WDR7: variants seen among roughly 807,000 people sequenced by gnomAD.
The protein encoded by WDR7 is WD repeat-containing protein 7.
A neutral mutation model predicts 169.4 loss-of-function variants in WDR7; 46 were observed. That is an observed-to-expected ratio of 0.27 (90% confidence interval 0.21 to 0.35). The LOEUF is 0.35. Among genes scored for constraint, WDR7 ranks in the 10% least tolerant of loss-of-function variants. The pLI, the probability that WDR7 is intolerant of heterozygous loss-of-function variation, is 1.00. For synonymous variants in WDR7, 612 were observed against 666.8 expected (o/e 0.92, Z 1.27); for missense variants, 1,534 against 1,859.3 (o/e 0.83, Z 3.22).
At chr18:56,654,617 T>A (rs1386020389) in intron 1 of WDR7, among the ~76,000 whole-genome samples, 1 of 152,228 alleles carries the variant, frequency 6.6e-6, no homozygotes, top group Non-Finnish European at 1.5e-5. Flanking sequence ...TAATCTGTCA[T>A]TTGTCTGTAA....
chr18:56,656,361 C>A (rs529041883), intron 1 of WDR7, among the ~76,000 whole-genome samples: 39 of 149,914 alleles, frequency 2.6e-4, no homozygotes, highest in Non-Finnish European at 4.6e-4. Flanking sequence ...CTCAGTGCAA[C>A]CTCCGCCTCC....
At chr18:56,805,353 G>C (rs2044755200) in intron 19 of WDR7, among the ~76,000 whole-genome samples, 1 of 152,026 alleles carries the variant, frequency 6.6e-6, no homozygotes, top group African/African-American at 2.4e-5. Context: ...CCCAGAATCG[G>C]GCTTTCAGGA....
Position 56,717,880 on chromosome 18 carries a change from A to T in WDR7, c.1579-84A>T. 3 of 1,338,728 alleles carry T rather than the reference A, an allele frequency of 2.2e-6. No individual in the cohort carries two copies. In the Middle Eastern group the frequency reaches 6.0e-4, roughly 267 times the overall value. The allele number at this position is 1,338,728 out of a possible 1,614,324, so 82.9% of individuals were successfully genotyped here. ...TTTCAGTGGCAGCAAATGTATAATTAATTTTGCCTTAAGTTATTGAAAACA... is the reference window on the plus strand; with the variant it reads ...TTTCAGTGGCAGCAAATGTATAATTTATTTTGCCTTAAGTTATTGAAAACA... On this transcript the variant is annotated intron_variant, in intron 12 of 27. Transcript: ENST00000254442.
At chr18:56,880,923 A>G (rs891259723) in intron 21 of WDR7, among the ~76,000 whole-genome samples, 4 of 152,166 alleles carry the variant, frequency 2.6e-5, no homozygotes, top group African/African-American at 9.7e-5. Flanking sequence ...CATATAGCAA[A>G]ATTATTTCTA....
chr18:56,681,429 T>C, intron 4 of WDR7, 38 bp downstream of exon 4: 1 of 1,248,122 alleles, frequency 8.0e-7, no homozygotes. Flanking sequence ...TACAAACTAT[T>C]ATAAGTATAT....
chr18:56,679,491 C>A, intron 3 of WDR7, 53 bp downstream of exon 3: 1 of 1,343,216 alleles, frequency 7.4e-7, no homozygotes, highest in Non-Finnish European at 1.0e-6. Flanking sequence ...TAACTAGCAC[C>A]AATGCCTTGT....
At chr18:57,011,782 A>G (rs184608314) in intron 26 of WDR7, among the ~76,000 whole-genome samples, 2 of 151,448 alleles carry the variant, frequency 1.3e-5, no homozygotes, top group Admixed American at 6.6e-5. Flanking sequence ...AGTACACCCA[A>G]TAAGAAAAGC....
intron 26 of WDR7, among the ~76,000 whole-genome samples, chr18:56,976,674 T>G (rs183275862): frequency 2.0e-5 from 3 of 152,310 alleles, no homozygotes; most frequent in East Asian, 3.9e-4. Flanking sequence ...GATACCATCC[T>G]GAGGCAGAAA....
intron 12 of WDR7, among the ~76,000 whole-genome samples, chr18:56,709,921 G>A (rs574590828): frequency 6.6e-6 from 1 of 150,574 alleles, no homozygotes; most frequent in African/African-American, 2.4e-5. Context: ...TAACATTTTT[G>A]AAAGTAGAGA....
At chr18:56,945,267 G>A (rs534118751) in intron 25 of WDR7, among the ~76,000 whole-genome samples, 27 of 152,270 alleles carry the variant, frequency 1.8e-4, no homozygotes, top group African/African-American at 6.5e-4. Flanking sequence ...AAACTTTTTA[G>A]GGGCCAACGT....
chr18:56,654,409 C>T (rs1446335351), intron 1 of WDR7, among the ~76,000 whole-genome samples: 2 of 152,220 alleles, frequency 1.3e-5, no homozygotes, highest in Non-Finnish European at 2.9e-5. Context: ...GGATTACAGG[C>T]ATGAGCCAGC....
chr18:56,776,756 T>G (rs1192704299), intron 16 of WDR7, 26 bp from the exon 17 acceptor site: 2 of 1,603,242 alleles, frequency 1.2e-6, no homozygotes, highest in Admixed American at 3.3e-5. Context: ...TCTCTCCTCT[T>G]TACTTCTTCT....
intron 19 of WDR7, among the ~76,000 whole-genome samples, chr18:56,803,282 T>C (rs562103676): frequency 1.3e-5 from 2 of 152,328 alleles, no homozygotes; most frequent in African/African-American, 2.4e-5. Context: ...CAATTAAATG[T>C]GTCATCTGCT....
At chr18:56,997,861 G>GT (rs1172933563) in intron 26 of WDR7, among the ~76,000 whole-genome samples, 1 of 152,122 alleles carries the variant, frequency 6.6e-6, no homozygotes, top group Admixed American at 6.6e-5. Context: ...CTCCTTTGCA[G>GT]TTTTTTAAAT....
At chr18:56,836,315 A>G (rs1040569811) in intron 20 of WDR7, among the ~76,000 whole-genome samples, 3 of 152,296 alleles carry the variant, frequency 2.0e-5, no homozygotes, top group Admixed American at 2.0e-4. Flanking sequence ...ACTCCCAAGC[A>G]ACCAGCCCCT....
intron 21 of WDR7, among the ~76,000 whole-genome samples, chr18:56,886,327 C>T (rs1453952467): frequency 6.6e-6 from 1 of 152,156 alleles, no homozygotes; most frequent in Non-Finnish European, 1.5e-5. Flanking sequence ...CTACCTTTAG[C>T]TTCCTTAGCC....
rs770821225 is a variant in WDR7, at chr18:57,027,136, C to G, written c.4402C>G (p.Leu1468Val). The G allele has an allele frequency of 2.4e-5, 39 of 1,614,194 alleles. 1 individual carries two copies. In the South Asian group the frequency reaches 4.2e-4, roughly 17 times the overall value. Residue 1468 changes from leucine (L) to valine (V), a missense_variant, in exon 28 of 28, where the codon CTC becomes GTC. Physicochemically the swap from Leu to Val is conservative, Grantham distance 32. Transcript: ENST00000254442. ...CCACAATGCCCTCAAGCTGGCCCGG[C>G]TCATCTGGACTTCCAACCGCAACGT... ...GSHNALKLAR[L>V]IWTSNRNVIL...
intron 19 of WDR7, among the ~76,000 whole-genome samples, chr18:56,788,297 T>C (rs1176965496): frequency 2.0e-5 from 3 of 152,242 alleles, no homozygotes; most frequent in Non-Finnish European, 2.9e-5. Flanking sequence ...AGATTGATAA[T>C]GCCTCTTACA....
chr18:56,686,167 C>A, intron 6 of WDR7, 135 bp downstream of exon 6: 2 of 670,774 alleles, frequency 3.0e-6, no homozygotes, highest in Non-Finnish European at 4.7e-6. Context: ...TTCTTATAGG[C>A]ATAGTATGGA....
Sources: gnomAD v4.1 joint callset for allele counts (sites outside exome capture counted in the v4.1 genomes callset) on GRCh38, gnomAD v4.1.1 for gene constraint, MANE v1.5 for transcripts, NCBI Gene and HGNC (gene_info 2026-07-23, HGNC 2026-07-21) for gene names.